LATS1: variants seen among roughly 807,000 people sequenced by gnomAD.
LATS1 encodes the protein serine/threonine-protein kinase LATS1.
LATS1 carries 25 observed loss-of-function variants against 106.6 expected under a neutral mutation model. The ratio of observed to expected loss-of-function variants is 0.23; its 90% CI spans 0.17 to 0.33. LATS1 has a LOEUF of 0.33. LATS1 is among the 10% of genes least tolerant of loss of function. LATS1 has a pLI of 1.00. For missense variants in LATS1, 1,040 were observed against 1,382.6 expected (o/e 0.75, Z 3.93); for synonymous variants, 465 against 455.6 (o/e 1.02, Z -0.26).
At chr6:149,695,609 G>A (rs761733433) in intron 2 of LATS1, among the ~76,000 whole-genome samples, 1 of 151,746 alleles carries the variant, frequency 6.6e-6, no homozygotes, top group South Asian at 2.1e-4. Context: ...CCTGGGAGGT[G>A]GATGTTGCAG....
Position 149,683,813 on chromosome 6 carries a change from C to T in LATS1, c.1276G>A (p.Val426Ile), listed in dbSNP as rs866553533. 3 of 1,613,894 alleles carry T rather than the reference C, an allele frequency of 1.9e-6. No homozygotes were observed. Among genetic ancestry groups the T allele is most frequent in the Middle Eastern group, 1.6e-4 (1 of 6,062 alleles). Residue 426 changes from valine to isoleucine, a missense_variant, in exon 4 of 8, where the codon GTA becomes ATA. By Grantham distance (29) the Val-to-Ile change is conservative (BLOSUM62 3). Coordinates refer to ENST00000543571, the MANE Select transcript of LATS1 (RefSeq NM_004690.4). The stretch of plus-strand genomic sequence containing the variant: ...GGCCAATTTGTTTGCAGTCCAGGTA[C>T]ACTAATGTTATATAGTTCCATGTTA... Reference protein sequence around the residue: ...SHNMELYNISVPGLQTNWPQS... With the variant: ...SHNMELYNISIPGLQTNWPQS...
intron 1 of LATS1, among the ~76,000 whole-genome samples, chr6:149,711,647 T>C (rs1319151100): frequency 2.6e-5 from 4 of 152,176 alleles, no homozygotes; most frequent in African/African-American, 9.7e-5. Flanking sequence ...CCGACTTCTA[T>C]GAGCAAGAAG....
Position 149,679,897 on chromosome 6 carries a change from G to C in LATS1, c.2571C>G (p.His857Gln). Residue 857 changes from histidine to glutamine, a missense_variant, in exon 5 of 8, where the codon CAC becomes CAG. Around this residue, in one of 7 missense-constraint regions of LATS1, gnomAD observed 63 missense variants for 64.3 expected, o/e 0.98. Transcript: ENST00000543571. The stretch of plus-strand genomic sequence containing the variant: ...TACCACTCTGATAGTACTTAGAATC[G>C]TGTGTCCATCTGAAGCCAGTGCAGA... Reference protein sequence around the residue: ...FGLCTGFRWTHDSKYYQSGDH... With the variant: ...FGLCTGFRWTQDSKYYQSGDH... 6.2e-7 allele frequency: 1 copy of C among 1,603,260 alleles called. No homozygotes were observed. Among genetic ancestry groups the C allele is most frequent in the Non-Finnish European group, 8.5e-7 (1 of 1,174,820 alleles).
chr6:149,665,454 C>T (rs2114695939), intron 7 of LATS1, among the ~76,000 whole-genome samples: 1 of 152,252 alleles, frequency 6.6e-6, no homozygotes, highest in African/African-American at 2.4e-5. Flanking sequence ...GCCACCTTGT[C>T]CTGGATTCAG....
chr6:149,662,865 T>C (rs538677691), intron 7 of LATS1, among the ~76,000 whole-genome samples: 2 of 150,790 alleles, frequency 1.3e-5, no homozygotes, highest in Admixed American at 6.6e-5. Context: ...ACTCAGGAGG[T>C]TGAAGCAGAA....
At chr6:149,711,587 C>G (rs1401802615) in intron 1 of LATS1, among the ~76,000 whole-genome samples, 1 of 151,956 alleles carries the variant, frequency 6.6e-6, no homozygotes, top group Non-Finnish European at 1.5e-5. Context: ...ATCTCAAGTT[C>G]ATACTAAAAA....
At chr6:149,711,982 G>C (rs979558396) in intron 1 of LATS1, among the ~76,000 whole-genome samples, 1 of 152,118 alleles carries the variant, frequency 6.6e-6, no homozygotes, top group African/African-American at 2.4e-5. Flanking sequence ...CAGAGAGAGA[G>C]AGAGTGCGCA....
At chr6:149,716,893 C>A (rs1784424170) in intron 1 of LATS1, among the ~76,000 whole-genome samples, 1 of 152,158 alleles carries the variant, frequency 6.6e-6, no homozygotes, top group Non-Finnish European at 1.5e-5. Context: ...AATGTCCTAC[C>A]TTTTCTTCCT....
Position 149,718,025 on chromosome 6 carries a change from T to C in LATS1, c.-317A>G, listed in dbSNP as rs1016625722. ...CCCAGGGGTCGTGAGGACCTGGCTC[T>C]CCCCTTAACACCAGGCCACCGCCGC... On this transcript the variant is annotated 5_prime_UTR_variant, in exon 1 of 8. Transcript: ENST00000543571. The C allele has an allele frequency of 2.9e-6, 1 of 350,484 alleles. No homozygotes were observed. 21.7% of individuals were successfully genotyped at this position (350,484 alleles called of 1,614,324 possible). A position where few individuals can be genotyped will look rare whatever the true frequency, so the allele number is the denominator to read the frequency against.
chr6:149,668,006 C>T (rs1016713958), intron 7 of LATS1, among the ~76,000 whole-genome samples: 6 of 152,040 alleles, frequency 3.9e-5, no homozygotes, highest in Admixed American at 6.6e-5. Context: ...CTACAACCTC[C>T]GCCTCCTGGG....
chr6:149,670,547 C>G (rs565022233), intron 7 of LATS1, among the ~76,000 whole-genome samples: 1 of 152,124 alleles, frequency 6.6e-6, no homozygotes, highest in South Asian at 2.1e-4. Context: ...ATGAAAACCA[C>G]AGCTTGCCTT....
Position 149,683,200 on chromosome 6 carries a change from C to T in LATS1, c.1889G>A (p.Arg630His), listed in dbSNP as rs1333349061. ...NKKDEERRES[R>H]IQSYSPQAFK... ...TGCTTGAGGAGAATAACTTTGAATACGAGATTCCCTTCGCTCTTCATCTTT... is the reference window on the plus strand; with the variant it reads ...TGCTTGAGGAGAATAACTTTGAATATGAGATTCCCTTCGCTCTTCATCTTT... The change falls in exon 4 of 8, where the codon CGT becomes CAT. Residue 630 changes from arginine (R) to histidine (H), a missense_variant. Coordinates refer to ENST00000543571, the MANE Select transcript of LATS1 (RefSeq NM_004690.4). 6 of 1,613,934 alleles carry T rather than the reference C, an allele frequency of 3.7e-6. No homozygotes were observed. Among genetic ancestry groups the T allele is most frequent in the African/African-American group, 1.3e-5 (1 of 74,922 alleles).
intron 7 of LATS1, among the ~76,000 whole-genome samples, chr6:149,671,931 C>T (rs1337385472): frequency 1.3e-5 from 2 of 151,840 alleles, no homozygotes; most frequent in Admixed American, 1.3e-4. Flanking sequence ...CTCTGTTGCC[C>T]AGGCTGGAGT....
At chr6:149,715,389 C>A (rs977164245) in intron 1 of LATS1, among the ~76,000 whole-genome samples, 1 of 152,114 alleles carries the variant, frequency 6.6e-6, no homozygotes, top group African/African-American at 2.4e-5. Flanking sequence ...ACTTATAAAT[C>A]CCTGACTGAT....
Position 149,695,109 on chromosome 6 carries a change from G to A in LATS1, c.461C>T (p.Ala154Val). Residue 154 changes from alanine (A) to valine (V), a missense_variant, in exon 3 of 8, where the codon GCA (alanine) becomes GTA (valine). Physicochemically the swap from Ala to Val is moderately conservative, Grantham distance 64. Around this residue, in one of 7 missense-constraint regions of LATS1, gnomAD observed 624 missense variants for 714.8 expected, o/e 0.87. Transcript: ENST00000543571. ...GCTGGCATTAATAGGTCTGGCAGCT[G>A]CTGCAGCCATCTGCTCTCGTCGAGG... The part of the protein sequence containing the change: ...QDPRREQMAA[A>V]AARPINASMK... 5 of 1,610,780 alleles carry A rather than the reference G, an allele frequency of 3.1e-6. No homozygotes were observed. The highest frequency in any genetic ancestry group is 4.2e-6 in the Non-Finnish European group (5 of 1,178,780).
In LATS1 at chr6:149,660,109, A is replaced by G. The variant is rs1382834887; in HGVS notation, c.*1620T>C. Reference sequence around the variant, plus strand: ...TAACCTACAGCCTGTGATAGGTTTCAATATGTCCAAAATCCCTTGAAACTG... The same window carrying G: ...TAACCTACAGCCTGTGATAGGTTTCGATATGTCCAAAATCCCTTGAAACTG... On this transcript the variant is annotated 3_prime_UTR_variant, in exon 8 of 8. Coordinates refer to ENST00000543571, the MANE Select transcript of LATS1 (RefSeq NM_004690.4). The G allele has an allele frequency of 8.6e-6, 2 of 232,378 alleles. No homozygotes were observed. Among genetic ancestry groups the G allele is most frequent in the Admixed American group, 1.1e-4 (2 of 17,736 alleles). 14.4% of individuals were successfully genotyped at this position (232,378 alleles called of 1,614,324 possible).
At chr6:149,700,822 T>C (rs1783410304) in intron 2 of LATS1, among the ~76,000 whole-genome samples, 1 of 152,228 alleles carries the variant, frequency 6.6e-6, no homozygotes, top group Admixed American at 6.5e-5. Context: ...TCCCTCTTGT[T>C]GACCAGGCTG....
intron 3 of LATS1, among the ~76,000 whole-genome samples, chr6:149,692,434 C>A (rs751568797): frequency 7.9e-5 from 12 of 152,032 alleles, no homozygotes; most frequent in Non-Finnish European, 1.2e-4. Flanking sequence ...AAAAAAATCC[C>A]ACTATTATAT....
At chr6:149,710,598 C>G (rs1473814837) in intron 1 of LATS1, among the ~76,000 whole-genome samples, 3 of 152,190 alleles carry the variant, frequency 2.0e-5, no homozygotes, top group Non-Finnish European at 2.9e-5. Flanking sequence ...GCAGTCCTGC[C>G]TTAGTGATAC....
Sources: gnomAD v4.1 joint callset for allele counts (sites outside exome capture counted in the v4.1 genomes callset) on GRCh38, gnomAD v4.1.1 for gene constraint, gnomAD v4.1.1 regional missense constraint, MANE v1.5 for transcripts, NCBI Gene and HGNC (gene_info 2026-07-23, HGNC 2026-07-21) for gene names.